NCR3LG1: variants seen among roughly 807,000 people sequenced by gnomAD.
NCR3LG1 encodes the protein natural killer cell cytotoxicity receptor 3 ligand 1, also known as natural cytotoxicity triggering receptor 3 ligand 1.
Under a neutral mutation model 34.8 loss-of-function variants are expected in NCR3LG1, and 35 were observed. The ratio of observed to expected loss-of-function variants is 1.01; its 90% CI spans 0.77 to 1.33. NCR3LG1 has a LOEUF of 1.33. Ranked by LOEUF, NCR3LG1 falls within the 40% of genes most tolerant of loss-of-function variation. NCR3LG1 has a pLI of 0.00. For missense variants in NCR3LG1, 452 were observed against 423.3 expected (o/e 1.07, Z -0.60); for synonymous variants, 173 against 163.6 (o/e 1.06, Z -0.44).
At chr11:17,363,276 G>T (rs1953303145) in intron 2 of NCR3LG1, among the ~76,000 whole-genome samples, 1 of 151,774 alleles carries the variant, frequency 6.6e-6, no homozygotes, top group South Asian at 2.1e-4. Flanking sequence ...TTGGTGAAAG[G>T]TTTGTCTGAG....
intron 1 of NCR3LG1, among the ~76,000 whole-genome samples, chr11:17,354,423 T>C (rs1469884877): frequency 3.3e-5 from 5 of 152,264 alleles, no homozygotes; most frequent in Non-Finnish European, 5.9e-5. Context: ...CTTCTAAATT[T>C]TGATTTGTTG....
Position 17,372,301 on chromosome 11 carries a change from T to A in NCR3LG1, c.1154T>A (p.Ile385Asn), listed in dbSNP as rs1359114912. ...CCAGATCTTTGTCAGTGTTGTAGAA[T>A]TGACCCTGCTCTCCTAACAGTTACA... ...DNPDLCQCCR[I>N]DPALLTVTSG... Residue 385 changes from isoleucine (I) to asparagine (N), a missense_variant, in exon 5 of 5, where the codon ATT (isoleucine) becomes AAT (asparagine). Ile to Asn is a moderately radical substitution (Grantham distance 149). Coordinates refer to ENST00000338965, the MANE Select transcript of NCR3LG1 (RefSeq NM_001202439.3). The A allele has an allele frequency of 2.8e-6, 2 of 703,170 alleles. No individual in the cohort carries two copies. Among genetic ancestry groups the A allele is most frequent in the South Asian group, 3.0e-5 (2 of 67,606 alleles). The allele number at this position is 703,170 out of a possible 1,614,324, so 43.6% of individuals were successfully genotyped here. A position where few individuals can be genotyped will look rare whatever the true frequency, so the allele number is the denominator to read the frequency against.
At chr11:17,379,328 C>T (rs142184806), downstream of NCR3LG1, among the ~76,000 whole-genome samples, 37 of 152,290 alleles carry the variant, frequency 2.4e-4, no homozygotes, top group East Asian at 7.1e-3. Context: ...GAAAACAAAC[C>T]CTTTATGATC....
intron 1 of NCR3LG1, among the ~76,000 whole-genome samples, chr11:17,355,430 A>G (rs1373757127): frequency 1.3e-5 from 2 of 150,148 alleles, no homozygotes; most frequent in Non-Finnish European, 2.9e-5. Flanking sequence ...CAAAAAAAAA[A>G]GAGAAAATTC....
intron 2 of NCR3LG1, among the ~76,000 whole-genome samples, chr11:17,358,929 ATTTTATTTTTTG>A (rs1299944604): frequency 6.6e-6 from 1 of 151,960 alleles, no homozygotes; most frequent in Non-Finnish European, 1.5e-5. Context: ...TTGTTTTATT[ATTTTATTTTTTG>A]TTTTATTTAA....
chr11:17,356,594 C>T, intron 1 of NCR3LG1, 57 bp from the exon 2 acceptor site: 2 of 1,287,648 alleles, frequency 1.6e-6, no homozygotes, highest in Non-Finnish European at 1.1e-6. Flanking sequence ...CATAGCACAT[C>T]TCAAAAAGAT....
intron 2 of NCR3LG1, among the ~76,000 whole-genome samples, chr11:17,359,661 G>A (rs1428308548): frequency 2.0e-5 from 3 of 151,638 alleles, no homozygotes; most frequent in Admixed American, 1.3e-4. Flanking sequence ...ACAGGTGCCC[G>A]CCACCACGCC....
At chr11:17,366,949 G>C in intron 2 of NCR3LG1, 60 bp from the exon 3 acceptor site, 1 of 1,240,946 alleles carries the variant, frequency 8.1e-7, no homozygotes, top group Non-Finnish European at 1.1e-6. Flanking sequence ...GTTAGCATAA[G>C]GTGTGGTGGG....
rs1239805985 is a variant in NCR3LG1 at position 17,374,236 on chromosome 11, A to T, written c.*1724A>T. 6.6e-6 allele frequency: 1 copy of T among 152,238 alleles called. No individual in the cohort carries two copies. Among genetic ancestry groups the T allele is most frequent in the Non-Finnish European group, 1.5e-5 (1 of 68,056 alleles). 9.4% of individuals were successfully genotyped at this position (152,238 alleles called of 1,614,324 possible). A position where few individuals can be genotyped will look rare whatever the true frequency, so the allele number is the denominator to read the frequency against. ...TATCCAAGGGAACTAAATGGTTCAC[A>T]GTTCTGGGCCTAAAGGATGCCTTTT... is the stretch of plus-strand genomic sequence containing the variant. On this transcript the variant is annotated 3_prime_UTR_variant, in exon 5 of 5. Transcript: ENST00000338965.
chr11:17,366,828 C>T (rs1953348946), intron 2 of NCR3LG1, among the ~76,000 whole-genome samples, 181 bp from the exon 3 acceptor site: 1 of 152,192 alleles, frequency 6.6e-6, no homozygotes, highest in African/African-American at 2.4e-5. Context: ...AAATCTCCAG[C>T]TCATTGCTGG....
At chr11:17,362,248 C>T (rs939878271) in intron 2 of NCR3LG1, among the ~76,000 whole-genome samples, 1 of 152,074 alleles carries the variant, frequency 6.6e-6, no homozygotes, top group South Asian at 2.1e-4. Flanking sequence ...TTTCTTTAGC[C>T]TGTTGATATG....
In NCR3LG1 at chr11:17,376,708, C is replaced by T. The variant is rs1042276437; in HGVS notation, c.*4196C>T. ...ACACTTTCCCCAAAGATAAGCCTCA[C>T]ACCCTCAGGCTAGGAAAAGTTGGCC... On this transcript the variant is annotated 3_prime_UTR_variant, in exon 5 of 5. Coordinates refer to ENST00000338965, the MANE Select transcript of NCR3LG1 (RefSeq NM_001202439.3). 1.3e-5 allele frequency: 2 copies of T among 152,244 alleles called. No individual in the cohort carries two copies. Among genetic ancestry groups the T allele is most frequent in the Non-Finnish European group, 2.9e-5 (2 of 68,042 alleles). 9.4% of individuals were successfully genotyped at this position (152,244 alleles called of 1,614,324 possible).
chr11:17,368,155 A>G (rs200772942), intron 3 of NCR3LG1, among the ~76,000 whole-genome samples: 1 of 151,948 alleles, frequency 6.6e-6, no homozygotes, highest in East Asian at 1.9e-4. Flanking sequence ...CAAGATGGGG[A>G]GGGCTACAGT....
chr11:17,363,466 G>A (rs2133352346), intron 2 of NCR3LG1, among the ~76,000 whole-genome samples: 1 of 145,404 alleles, frequency 6.9e-6, no homozygotes, highest in South Asian at 2.2e-4. Flanking sequence ...TGTAAGGTGT[G>A]TTTTTTTTCC....
rs1953286855 is a variant in NCR3LG1, at chr11:17,362,700, CTTTCTTTCTTTCTTT to C, written c.422-4308_422-4294del. ...CCTTCCTTCCTTCCTTCCTTTCTTT[CTTTCTTTCTTTCTTT>C]CTTTCTTTCTTTCTTTCTTTCTTTC... On this transcript the variant is annotated intron_variant, in intron 2 of 4. Coordinates refer to ENST00000338965, the MANE Select transcript of NCR3LG1 (RefSeq NM_001202439.3). 3.5e-3 allele frequency among the ~76,000 whole-genome samples: 15 copies of C among 4,290 alleles called. 2 individuals are homozygous for C. Among genetic ancestry groups the C allele is most frequent in the Middle Eastern group, 0.083 (1 of 12 alleles). 2.8% of individuals were successfully genotyped at this position (4,290 alleles called of 152,430 possible).
chr11:17,381,645 A>G (rs907758362), downstream of NCR3LG1: 1 of 152,532 alleles, frequency 6.6e-6, no homozygotes, highest in Non-Finnish European at 1.5e-5. Flanking sequence ...AGTAAAGAGT[A>G]AACAGAGGAA....
chr11:17,361,351 A>G (rs1953267537), intron 2 of NCR3LG1, among the ~76,000 whole-genome samples: 1 of 151,286 alleles, frequency 6.6e-6, no homozygotes. Flanking sequence ...GCAGTGGTAC[A>G]ATCTCAGCTC....
At chr11:17,378,351 C>T (rs1953494272), downstream of NCR3LG1, among the ~76,000 whole-genome samples, 1 of 152,114 alleles carries the variant, frequency 6.6e-6, no homozygotes, top group Admixed American at 6.5e-5. Context: ...GGCTACAATC[C>T]CTCTTAAATG....
At chr11:17,356,613 A>T in intron 1 of NCR3LG1, 38 bp from the exon 2 acceptor site, 1 of 1,399,354 alleles carries the variant, frequency 7.1e-7, no homozygotes, top group Admixed American at 2.1e-5. Flanking sequence ...ATGTTCATAC[A>T]TTGGTAAACT....
Sources: gnomAD v4.1 joint callset for allele counts (sites outside exome capture counted in the v4.1 genomes callset) on GRCh38, gnomAD v4.1.1 for gene constraint, MANE v1.5 for transcripts, NCBI Gene and HGNC (gene_info 2026-07-23, HGNC 2026-07-21) for gene names.